The following CLPB variants were observed in gnomAD, a reference collection of about 807,000 sequenced individuals.
The protein encoded by CLPB is ClpB family mitochondrial disaggregase, also known as mitochondrial disaggregase.
CLPB carries 40 observed loss-of-function variants against 78.4 expected under a neutral mutation model. That is an observed-to-expected ratio of 0.51 (90% CI 0.40 to 0.66). CLPB has a LOEUF of 0.66. CLPB is among the 30% of genes least tolerant of loss of function. The probability of loss-of-function intolerance (pLI) is 0.00; values close to 1 mark genes in which losing one functional copy is unlikely to be tolerated. For synonymous variants in CLPB, 333 were observed against 348.0 expected, an observed-to-expected ratio of 0.96 and a Z score of 0.48; for missense variants, 780 against 886.9, an observed-to-expected ratio of 0.88 and a Z score of 1.53.
At chr11:72,408,059 G>A (rs1457305149) in intron 2 of CLPB, 2 of 1,322,588 alleles carry the variant, frequency 1.5e-6, no homozygotes, top group Non-Finnish European at 2.1e-6. Context: ...GGAGTTTTAG[G>A]AGGCAGCACC....
intron 3 of CLPB, among the ~76,000 whole-genome samples, chr11:72,386,268 T>A (rs967642822): frequency 6.6e-5 from 10 of 152,230 alleles, no homozygotes; most frequent in Admixed American, 2.0e-4. Context: ...AATAGTCAGT[T>A]GTGCTTCTTC....
At chr11:72,376,014 T>C (rs1590865491) in intron 4 of CLPB, among the ~76,000 whole-genome samples, 1 of 152,214 alleles carries the variant, frequency 6.6e-6, no homozygotes. Flanking sequence ...TTAGTGGACT[T>C]CATGGACTTG....
In CLPB at chr11:72,434,219, C is replaced by T. The variant is rs1418878260; in HGVS notation, c.256G>A (p.Ala86Thr). ...GRFDTKCLAA[A>T]TWGRLPGPEE... The stretch of plus-strand genomic sequence containing the variant: ...GGACCAGGAAGGCGTCCCCAAGTGG[C>T]AGCCGCGAGGCATTTGGTATCGAAG... The change falls in exon 1 of 16, where the codon GCC becomes ACC. Residue 86 changes from alanine to threonine, a missense_variant. By Grantham distance (58) the Ala-to-Thr change is moderately conservative (BLOSUM62 0). Transcript: ENST00000538039. 1.9e-6 allele frequency: 3 copies of T among 1,613,578 alleles called. No individual in the cohort carries two copies. The highest frequency in any genetic ancestry group is 2.5e-6 in the Non-Finnish European group (3 of 1,179,978).
intron 6 of CLPB, among the ~76,000 whole-genome samples, chr11:72,324,160 G>A (rs1383819483): frequency 6.6e-6 from 1 of 152,044 alleles, no homozygotes; most frequent in African/African-American, 2.4e-5. Context: ...CTTTTGGGGT[G>A]CTTCTAATAG....
At chr11:72,351,378 C>T (rs1056606527) in intron 5 of CLPB, 1 of 152,198 alleles carries the variant, frequency 6.6e-6, no homozygotes, top group Non-Finnish European at 1.5e-5. Context: ...CTGGGAGTAC[C>T]AGCAAAGCAG....
chr11:72,377,779 G>A (rs75796467), intron 4 of CLPB, among the ~76,000 whole-genome samples: 2,221 of 152,270 alleles, frequency 0.015, 46 homozygotes, highest in East Asian at 0.093. Context: ...AAATTATGTA[G>A]AGCAGGGTTG....
chr11:72,401,965 A>ACACAGAT (rs1285210879), intron 3 of CLPB, among the ~76,000 whole-genome samples: 1 of 152,144 alleles, frequency 6.6e-6, no homozygotes, highest in Non-Finnish European at 1.5e-5. Flanking sequence ...AAAGTAAAAA[A>ACACAGAT]CACAGATCAT....
At position 72,308,517 on chromosome 11, in the gene CLPB, TC is replaced by T. The variant is rs1204558796; in HGVS notation, c.1066+9del. The T allele has an allele frequency of 2.0e-5, 33 of 1,613,304 alleles. No homozygotes were observed. Among genetic ancestry groups the T allele is most frequent in the Non-Finnish European group, 2.8e-5 (33 of 1,179,330 alleles). On this transcript the variant is annotated intron_variant, in intron 8 of 15. Transcript: ENST00000538039. ...TCTCTGTCCCCACTGGCTGATCTGCTCCCAATTACCTATTCCAGATGATCCC... is the reference window on the plus strand; with the variant it reads ...TCTCTGTCCCCACTGGCTGATCTGCTCCAATTACCTATTCCAGATGATCCC...
chr11:72,342,962 A>G (rs1018452500), intron 5 of CLPB, among the ~76,000 whole-genome samples: 3 of 152,180 alleles, frequency 2.0e-5, no homozygotes, highest in Non-Finnish European at 2.9e-5. Flanking sequence ...AGGCCAATCA[A>G]TCTTGATGGG....
rs142253738 is a variant in CLPB, at chr11:72,295,429, T to A, written c.1486+63A>T. On this transcript the variant is annotated intron_variant, in intron 12 of 15. Transcript: ENST00000538039. The stretch of plus-strand genomic sequence containing the variant: ...TGGGCCCAGGGCCCCAATCCCATCC[T>A]TCCCCAGGAGATAGGCTGGTGGCTT... 6.2e-5 allele frequency: 98 copies of A among 1,579,184 alleles called. No individual in the cohort carries two copies. In the African/African-American group the frequency reaches 1.1e-3, roughly 18 times the overall value.
chr11:72,336,892 C>T, intron 5 of CLPB: 1 of 391,594 alleles, frequency 2.6e-6, no homozygotes, highest in African/African-American at 2.1e-5. Flanking sequence ...TCTGTCCCCA[C>T]CTGTGGTCTC....
Position 72,295,480 on chromosome 11 carries a change from C to G in CLPB, c.1486+12G>C. The G allele has an allele frequency of 6.2e-7, 1 of 1,612,988 alleles. No individual in the cohort carries two copies. ...GGTCACTGGACCAGACTGCTCAGGT[C>G]AGCCGCCATACCCAGGTTTTCGGCA... On this transcript the variant is annotated intron_variant, in intron 12 of 15. Transcript: ENST00000538039.
intron 12 of CLPB, 133 bp from the exon 13 acceptor site, chr11:72,294,826 T>C: frequency 1.3e-6 from 1 of 743,358 alleles, no homozygotes; most frequent in South Asian, 1.6e-5. Flanking sequence ...GGTCTAAGGC[T>C]CTCTGGGCTT....
At position 72,430,464 on chromosome 11, in the gene CLPB, T is replaced by G; in HGVS notation, c.404-101A>C. 3.0e-6 allele frequency: 3 copies of G among 987,926 alleles called. No homozygotes were observed. In the South Asian group the frequency reaches 4.8e-5, roughly 16 times the overall value. 61.2% of individuals were successfully genotyped at this position (987,926 alleles called of 1,614,324 possible). A position where few individuals can be genotyped will look rare whatever the true frequency, so the allele number is the denominator to read the frequency against. ...AGACAGTGGCAGTACTTTAGAAACG[T>G]GGACTTTGACAAGCAAACTGATGTC... On this transcript the variant is annotated intron_variant, in intron 1 of 15. Transcript: ENST00000538039.
At chr11:72,316,333 A>G (rs1949941314) in intron 7 of CLPB, among the ~76,000 whole-genome samples, 1 of 152,110 alleles carries the variant, frequency 6.6e-6, no homozygotes, top group Non-Finnish European at 1.5e-5. Context: ...TGCTTTGAGA[A>G]CCACTGTGTT....
Position 72,312,848 on chromosome 11 carries a change from G to C in CLPB, c.989-4244C>G, listed in dbSNP as rs1260354051. 6.6e-6 allele frequency among the ~76,000 whole-genome samples: 1 copy of C among 152,178 alleles called. No homozygotes were observed. Among genetic ancestry groups the C allele is most frequent in the Non-Finnish European group, 1.5e-5 (1 of 68,034 alleles). ...GTAAAGGCTGCTATGAAAACTGTGG[G>C]CTCCAAACGGGATGGGTGCACAGAG... is the stretch of plus-strand genomic sequence containing the variant. On this transcript the variant is annotated intron_variant, in intron 7 of 15. Transcript: ENST00000538039. This position sits in a 1 kb window ranked among gnomAD's most constrained non-coding sequence, Gnocchi z 4.2.
chr11:72,425,804 G>A (rs566285873), intron 2 of CLPB, among the ~76,000 whole-genome samples: 4 of 152,212 alleles, frequency 2.6e-5, no homozygotes, highest in Non-Finnish European at 1.5e-5. Flanking sequence ...TGCCTGGAAT[G>A]GCTTCCCCTT....
At chr11:72,385,301 T>C (rs1316677560) in intron 3 of CLPB, among the ~76,000 whole-genome samples, 1 of 152,252 alleles carries the variant, frequency 6.6e-6, no homozygotes, top group Non-Finnish European at 1.5e-5. Context: ...CTGCTATTTA[T>C]GTAATATTCC....
chr11:72,415,784 G>A (rs1414030067), intron 2 of CLPB, among the ~76,000 whole-genome samples: 1 of 152,184 alleles, frequency 6.6e-6, no homozygotes, highest in Non-Finnish European at 1.5e-5. Context: ...GAAAGCCAAT[G>A]CAAGGTCGGG....
Sources: gnomAD v4.1 joint callset for allele counts (sites outside exome capture counted in the v4.1 genomes callset) on GRCh38, gnomAD v4.1.1 for gene constraint, Gnocchi (gnomAD v3.1) non-coding constraint, MANE v1.5 for transcripts, NCBI Gene and HGNC (gene_info 2026-07-23, HGNC 2026-07-21) for gene names.